RAPSN: variants seen among roughly 807,000 people sequenced by gnomAD.
The protein encoded by RAPSN is receptor associated protein of the synapse, also known as 43 kDa receptor-associated protein of the synapse.
Under a neutral mutation model 45.7 loss-of-function variants are expected in RAPSN, and 33 were observed. The ratio of observed to expected loss-of-function variants is 0.72; its 90% confidence interval spans 0.55 to 0.97. The LOEUF (loss-of-function observed/expected upper bound fraction) is 0.97, where lower values mean the gene tolerates loss of function less well. Ranked by LOEUF, RAPSN falls within the 50% of genes least tolerant of loss-of-function variation. RAPSN has a pLI of 0.00. For missense variants in RAPSN, 519 were observed against 559.4 expected, an observed-to-expected ratio of 0.93 and a Z score of 0.73; for synonymous variants, 244 against 233.6, an observed-to-expected ratio of 1.04 and a Z score of -0.40.
At position 47,441,600 on chromosome 11, in the gene RAPSN, C is replaced by T. The variant is rs780444573; in HGVS notation, c.912+11G>A. 1.7e-5 allele frequency: 28 copies of T among 1,603,744 alleles called. No individual in the cohort carries two copies. The highest frequency in any genetic ancestry group is 2.4e-5 in the Non-Finnish European group (28 of 1,179,530). On this transcript the variant is annotated intron_variant, in intron 5 of 7. Transcript: ENST00000298854. ...GGAGGGCTGGAGGCTGTGGGAAAGG[C>T]CCGACCTCACCTTGTCCAGCGCCTT...
At chr11:47,438,231 C>A (rs1244882381) in intron 7 of RAPSN, among the ~76,000 whole-genome samples, 184 bp from the exon 8 acceptor site, 2 of 152,118 alleles carry the variant, frequency 1.3e-5, no homozygotes, top group African/African-American at 4.8e-5. Context: ...CTCTCCTCCT[C>A]TGCCCCAGGG....
chr11:47,445,217 A>G (rs1374379067), intron 2 of RAPSN, among the ~76,000 whole-genome samples: 1 of 150,940 alleles, frequency 6.6e-6, no homozygotes, highest in Non-Finnish European at 1.5e-5. Flanking sequence ...GTGACAGAGT[A>G]AGACTCCGTC....
At chr11:47,440,641 A>G (rs2076354784) in intron 6 of RAPSN, among the ~76,000 whole-genome samples, 1 of 152,216 alleles carries the variant, frequency 6.6e-6, no homozygotes, top group African/African-American at 2.4e-5. Context: ...CCAGCTACTC[A>G]GGAGGCTGAA....
intron 2 of RAPSN, among the ~76,000 whole-genome samples, chr11:47,445,351 C>T (rs969741058): frequency 6.6e-6 from 1 of 151,906 alleles, no homozygotes; most frequent in African/African-American, 2.4e-5. Context: ...AATCCCAGCA[C>T]TTTGGGAGGC....
intron 7 of RAPSN, chr11:47,438,467 C>T: frequency 1.7e-6 from 1 of 575,684 alleles, no homozygotes; most frequent in South Asian, 2.3e-5. Flanking sequence ...GGATTACAGG[C>T]TCCCACCACC....
chr11:47,443,585 A>G (rs1160505407), intron 2 of RAPSN, among the ~76,000 whole-genome samples: 1 of 152,104 alleles, frequency 6.6e-6, no homozygotes. Context: ...CTCTTTCTAC[A>G]GAATCTTTCC....
At chr11:47,447,277 C>G (rs546927004) in intron 2 of RAPSN, among the ~76,000 whole-genome samples, 5 of 152,306 alleles carry the variant, frequency 3.3e-5, no homozygotes, top group African/African-American at 9.6e-5. Flanking sequence ...TCGCTTTCTC[C>G]TAACCACTTG....
intron 2 of RAPSN, 131 bp from the exon 3 acceptor site, chr11:47,442,945 C>T: frequency 6.8e-7 from 1 of 1,466,888 alleles, no homozygotes; most frequent in South Asian, 1.2e-5. Context: ...TTCATTGTGA[C>T]ATCCAGGACA....
In RAPSN at chr11:47,441,774, C is replaced by A. The variant is rs372990026; in HGVS notation, c.790-41G>T. ...GGGGATGGAATCAGGCTGTATCAGG[C>A]CTGTGCCCCTGCCCCCTGCCCCCAG... is the stretch of plus-strand genomic sequence containing the variant. On this transcript the variant is annotated intron_variant, in intron 4 of 7. Coordinates refer to ENST00000298854, the MANE Select transcript of RAPSN (RefSeq NM_005055.5). 12 of 1,593,952 alleles carry A rather than the reference C, an allele frequency of 7.5e-6. No homozygotes were observed. In the African/African-American group the frequency reaches 1.6e-4, roughly 21 times the overall value.
At chr11:47,442,913 A>C (rs1279313085) in intron 2 of RAPSN, 99 bp from the exon 3 acceptor site, 14 of 1,574,938 alleles carry the variant, frequency 8.9e-6, no homozygotes, top group Non-Finnish European at 1.2e-5. Context: ...AGGTAGGGGC[A>C]GGGGGCCCGA....
In RAPSN at chr11:47,438,059, A is replaced by G; in HGVS notation, c.1167-12T>C. The G allele has an allele frequency of 6.5e-7, 1 of 1,549,510 alleles. No homozygotes were observed. On this transcript the variant is annotated splice_polypyrimidine_tract_variant and intron_variant, in intron 7 of 7. Coordinates refer to ENST00000298854, the MANE Select transcript of RAPSN (RefSeq NM_005055.5). ...TGTTCTGCAGGCACCTGGGGAGGCA[A>G]AGGGCCCTGTCCACTCCCCTGAGGC...
chr11:47,438,340 G>T (rs2076330702), intron 7 of RAPSN: 6 of 574,752 alleles, frequency 1.0e-5, no homozygotes, highest in African/African-American at 3.7e-5. Context: ...GACCTTTGAG[G>T]GGCCTCTCTG....
At chr11:47,441,513 T>C in intron 5 of RAPSN, 98 bp downstream of exon 5, 13 of 1,571,142 alleles carry the variant, frequency 8.3e-6, no homozygotes, top group Non-Finnish European at 1.1e-5. Context: ...AGGGTGAGGC[T>C]GACGTCAGAC....
intron 3 of RAPSN, 37 bp from the exon 4 acceptor site, chr11:47,441,958 G>GC (rs2076369684): frequency 6.5e-7 from 1 of 1,539,194 alleles, no homozygotes; most frequent in South Asian, 1.2e-5. Context: ...CTACTCCTCT[G>GC]CCACCACCAC....
chr11:47,442,004 G>C, intron 3 of RAPSN, 83 bp from the exon 4 acceptor site: 1 of 1,373,918 alleles, frequency 7.3e-7, no homozygotes, highest in Middle Eastern at 2.5e-4. Context: ...CCTCTGAAGG[G>C]ACAGCCCAGG....
At chr11:47,445,706 G>T (rs561098946) in intron 2 of RAPSN, among the ~76,000 whole-genome samples, 1 of 150,530 alleles carries the variant, frequency 6.6e-6, no homozygotes, top group Non-Finnish European at 1.5e-5. Context: ...ATTATTTTAC[G>T]TATTTTGTAG....
In RAPSN at chr11:47,448,840, C is replaced by T. The variant is rs201399991; in HGVS notation, c.125G>A (p.Arg42His). Residue 42 changes from arginine (R) to histidine (H), a missense_variant, in exon 1 of 8, where the codon CGC (arginine) becomes CAC (histidine). Arg to His is a conservative substitution (Grantham distance 29). Coordinates refer to ENST00000298854, the MANE Select transcript of RAPSN (RefSeq NM_005055.5). The stretch of plus-strand genomic sequence containing the variant: ...GACCAGGCAGCCCAGCACGCGGAAG[C>T]GCCCCATGAGGTCCGAGCTCTTCTC... ...VLEKSSDLMG[R>H]FRVLGCLVTA... 7 of 1,613,902 alleles carry T rather than the reference C, an allele frequency of 4.3e-6. No individual in the cohort carries two copies. The highest frequency in any genetic ancestry group is 1.6e-4 in the Middle Eastern group (1 of 6,084).
In RAPSN at chr11:47,438,743, G is replaced by A. The variant is rs1368702539; in HGVS notation, c.1155C>T (p.Ile385=). The change falls in exon 7 of 8, where the codon ATC becomes ATT. Residue 385 remains isoleucine, a synonymous_variant. Transcript: ENST00000298854. ...SRLQALPCSH[I]FHLRCLQNNG... is the part of the protein sequence containing the mutation. ...CCAGGAGCCCCCACCTGAGGTGGAA[G>A]ATGTGGGAGCAAGGTAGGGCCTGCA... The A allele has an allele frequency of 9.0e-6, 14 of 1,563,734 alleles. No homozygotes were observed. Among genetic ancestry groups the A allele is most frequent in the African/African-American group, 1.3e-5 (1 of 74,324 alleles).
rs1374385127 is a variant in RAPSN, at chr11:47,438,938, C to T, written c.967-7G>A. 6.4e-7 allele frequency: 1 copy of T among 1,554,502 alleles called. No individual in the cohort carries two copies. The highest frequency in any genetic ancestry group is 8.7e-7 in the Non-Finnish European group (1 of 1,148,974). ...GCAGCTTGAGCTGGCTCAGCTGGGG[C>T]CCGCAGGAGTGGAGAGCGCCAGTGG... On this transcript the variant is annotated splice_region_variant and splice_polypyrimidine_tract_variant and intron_variant, in intron 6 of 7. Transcript: ENST00000298854.
Sources: gnomAD v4.1 joint callset for allele counts (sites outside exome capture counted in the v4.1 genomes callset) on GRCh38, gnomAD v4.1.1 for gene constraint, MANE v1.5 for transcripts, NCBI Gene and HGNC (gene_info 2026-07-23, HGNC 2026-07-21) for gene names.